The following ANO2 variants were observed in gnomAD, a reference collection of about 807,000 sequenced individuals.
ANO2 encodes the protein anoctamin 2, also known as anoctamin-2.
ANO2 carries 101 observed loss-of-function variants against 124.2 expected under a neutral mutation model. The observed-to-expected ratio is 0.81, with a 90% CI of 0.69 to 0.96. The LOEUF (loss-of-function observed/expected upper bound fraction) is 0.96. Among genes scored for constraint, ANO2 ranks in the 40% least tolerant of loss-of-function variants. The pLI is 0.00. For synonymous variants in ANO2, 486 were observed against 482.5 expected (o/e 1.01, Z -0.09); for missense variants, 1,293 against 1,274.5 (o/e 1.01, Z -0.22).
At chr12:5,592,912 A>C (rs1229830523) in intron 20 of ANO2, among the ~76,000 whole-genome samples, 1 of 152,184 alleles carries the variant, frequency 6.6e-6, no homozygotes, top group Non-Finnish European at 1.5e-5. Context: ...TCAGGAGACA[A>C]CTTGAAAGCG....
At chr12:5,595,178 G>C (rs1943597424) in intron 20 of ANO2, among the ~76,000 whole-genome samples, 1 of 152,072 alleles carries the variant, frequency 6.6e-6, no homozygotes, top group African/African-American at 2.4e-5. Context: ...TTGTGTATCA[G>C]ACATACCGAG....
chr12:5,945,254 G>A lies in ANO2; in HGVS notation c.-37C>T. 4 of 1,282,528 alleles carry A rather than the reference G, an allele frequency of 3.1e-6. No individual in the cohort carries two copies. Among genetic ancestry groups the A allele is most frequent in the Non-Finnish European group, 4.1e-6 (4 of 985,032 alleles). The allele number at this position is 1,282,528 out of a possible 1,614,324, so 79.4% of individuals were successfully genotyped here. ...AGACCCCGCCGGCCCGCGGCCGCGC[G>A]CTTCTGGGCAGGCTTATGCCGCCGC... On this transcript the variant is annotated 5_prime_UTR_variant, in exon 1 of 25. Transcript: ENST00000682330.
chr12:5,916,484 C>A, intron 3 of ANO2, among the ~76,000 whole-genome samples: 2 of 75,110 alleles, frequency 2.7e-5, no homozygotes, highest in African/African-American at 4.5e-5. Context: ...AGAAAAATCG[C>A]AGCAGGTTAA....
chr12:5,585,941 A>T (rs1943090248), intron 20 of ANO2, among the ~76,000 whole-genome samples: 1 of 152,270 alleles, frequency 6.6e-6, no homozygotes, highest in South Asian at 2.1e-4. Context: ...CACAGAAAAG[A>T]GGACAAAACA....
At chr12:5,674,770 C>T (rs1325021243) in intron 14 of ANO2, among the ~76,000 whole-genome samples, 1 of 152,214 alleles carries the variant, frequency 6.6e-6, no homozygotes, top group Non-Finnish European at 1.5e-5. Flanking sequence ...CTCTAAGCCT[C>T]AGTTTCCACA....
At chr12:5,767,058 G>A (rs1223875977) in intron 10 of ANO2, among the ~76,000 whole-genome samples, 7 of 152,204 alleles carry the variant, frequency 4.6e-5, no homozygotes, top group Non-Finnish European at 7.3e-5. Context: ...TGCCAACAAG[G>A]CGTGTACCTA....
chr12:5,857,112 T>A (rs141571345), intron 3 of ANO2, among the ~76,000 whole-genome samples: 185 of 152,296 alleles, frequency 1.2e-3, no homozygotes, highest in African/African-American at 4.2e-3. Context: ...AGCACAACCA[T>A]CACCGAATGC....
At chr12:5,889,336 A>G (rs1439197471) in intron 3 of ANO2, among the ~76,000 whole-genome samples, 3 of 152,238 alleles carry the variant, frequency 2.0e-5, no homozygotes, top group Non-Finnish European at 4.4e-5. Flanking sequence ...AAGTGCCACC[A>G]AAGTGGGAGC....
chr12:5,694,456 C>T (rs1365912100), intron 14 of ANO2, among the ~76,000 whole-genome samples: 7 of 152,066 alleles, frequency 4.6e-5, no homozygotes, highest in East Asian at 1.9e-4. Flanking sequence ...CTAAGACCCA[C>T]GCTAGGATCA....
At chr12:5,917,405 C>G (rs61908409) in intron 3 of ANO2, among the ~76,000 whole-genome samples, 23,023 of 152,006 alleles carry the variant, frequency 0.15, 1,968 homozygotes, top group South Asian at 0.2. Context: ...TCAAATTTAA[C>G]TAGGCATGCT....
chr12:5,588,930 G>A (rs1162464743), intron 20 of ANO2, among the ~76,000 whole-genome samples: 1 of 152,180 alleles, frequency 6.6e-6, no homozygotes, highest in Non-Finnish European at 1.5e-5. Context: ...TAGAAGCAGA[G>A]CTGCATCTGC....
rs185886332 is a variant in ANO2 at position 5,676,384 on chromosome 12, C to T, written c.1546-28583G>A. Among the ~76,000 whole-genome samples, 16 of 152,238 alleles carry T rather than the reference C, an allele frequency of 1.1e-4. No homozygotes were observed. In the East Asian group the frequency reaches 1.4e-3, roughly 13 times the overall value. On this transcript the variant is annotated intron_variant, in intron 14 of 24. Coordinates refer to ENST00000682330, the MANE Select transcript of ANO2 (RefSeq NM_001364791.2). ...CCCCTCTGTTTGGTTTTAGAAGCAT[C>T]GTGCCAAAACGCCAGGCTAAGTATG...
chr12:5,668,530 T>A (rs1379476489), intron 14 of ANO2, among the ~76,000 whole-genome samples: 1 of 152,232 alleles, frequency 6.6e-6, no homozygotes, highest in Non-Finnish European at 1.5e-5. Context: ...TCTTACCATG[T>A]GCAGAAGCTC....
chr12:5,748,529 A>G (rs1951336465), intron 11 of ANO2, among the ~76,000 whole-genome samples: 1 of 152,202 alleles, frequency 6.6e-6, no homozygotes, highest in African/African-American at 2.4e-5. Context: ...ACTGACAACT[A>G]TTAGTTGTTG....
chr12:5,835,539 A>G (rs888304088), intron 4 of ANO2, among the ~76,000 whole-genome samples: 1 of 152,228 alleles, frequency 6.6e-6, no homozygotes, highest in Non-Finnish European at 1.5e-5. Context: ...CTGGCTTTCA[A>G]TGTACTTTAG....
chr12:5,707,506 T>C (rs1949657405), intron 14 of ANO2, among the ~76,000 whole-genome samples: 3 of 148,952 alleles, frequency 2.0e-5, no homozygotes, highest in Non-Finnish European at 4.5e-5. Context: ...TAGTATCCTT[T>C]ATAGAGAGGA....
chr12:5,599,915 C>G (rs923217044), intron 19 of ANO2, among the ~76,000 whole-genome samples: 2 of 152,194 alleles, frequency 1.3e-5, no homozygotes, highest in Admixed American at 1.3e-4. Context: ...AGAGAGTTGG[C>G]CCTTCCTGCC....
intron 10 of ANO2, among the ~76,000 whole-genome samples, chr12:5,759,712 A>G (rs1024162066): frequency 6.6e-6 from 1 of 151,402 alleles, no homozygotes; most frequent in African/African-American, 2.4e-5. Flanking sequence ...CTGTGGAAAA[A>G]TTATCTTCCA....
intron 14 of ANO2, among the ~76,000 whole-genome samples, chr12:5,715,156 T>G (rs537993887): frequency 3.9e-5 from 6 of 152,300 alleles, no homozygotes; most frequent in South Asian, 2.1e-4. Context: ...GTTCCCTTTC[T>G]CGGAAGTCAG....
Sources: allele counts gnomAD v4.1 joint callset (sites outside exome capture counted in the v4.1 genomes callset), GRCh38; gene constraint gnomAD v4.1.1; transcripts MANE v1.5; gene names NCBI Gene and HGNC (gene_info 2026-07-23, HGNC 2026-07-21).